Variants in PAMR1 observed in about 807,000 individuals in gnomAD.
PAMR1 encodes inactive serine protease PAMR1.
A neutral mutation model predicts 81.8 loss-of-function variants in PAMR1; 88 were observed. The observed-to-expected ratio is 1.08, with a 90% CI of 0.91 to 1.28. The LOEUF (loss-of-function observed/expected upper bound fraction) is 1.28. Among genes scored for constraint, PAMR1 ranks in the 50% most tolerant of loss-of-function variants. PAMR1 has a pLI of 0.00. For missense variants in PAMR1, 935 were observed against 919.7 expected, an observed-to-expected ratio of 1.02 and a Z score of -0.21; for synonymous variants, 336 against 345.3, an observed-to-expected ratio of 0.97 and a Z score of 0.30.
intron 4 of PAMR1, among the ~76,000 whole-genome samples, chr11:35,473,012 T>C (rs1791001416): frequency 6.6e-6 from 1 of 152,012 alleles, no homozygotes; most frequent in South Asian, 2.1e-4. Context: ...GGAAGCCAGT[T>C]AGGAGGGCAT....
At chr11:35,474,893 C>T (rs1204564768) in intron 3 of PAMR1, 149 bp from the exon 4 acceptor site, 1 of 598,866 alleles carries the variant, frequency 1.7e-6, no homozygotes, top group Non-Finnish European at 2.9e-6. Context: ...GTTTCTCAAG[C>T]AGCTGGCAAT....
rs141228548 is a variant in PAMR1, at chr11:35,452,971, G to A, written c.821-11278C>T. On this transcript the variant is annotated intron_variant, in intron 6 of 10. Coordinates refer to ENST00000619888, the MANE Select transcript of PAMR1 (RefSeq NM_001001991.3). The stretch of plus-strand genomic sequence containing the variant: ...TAATCATTTGGTTCCCCAGTGTCCA[G>A]AGCAAGCGTATAGTAGGTGTTCAAT... Among the ~76,000 whole-genome samples the A allele has an allele frequency of 3.6e-4, 55 of 152,360 alleles. No individual in the cohort carries two copies. In the East Asian group the frequency reaches 6.0e-3, roughly 17 times the overall value.
At chr11:35,471,572 C>A (rs559754676) in intron 4 of PAMR1, among the ~76,000 whole-genome samples, 2 of 152,242 alleles carry the variant, frequency 1.3e-5, no homozygotes, top group South Asian at 4.1e-4. Flanking sequence ...AGGTAATTAT[C>A]TTCTAGGCAA....
intron 1 of PAMR1, among the ~76,000 whole-genome samples, chr11:35,511,506 A>G (rs1325501502): frequency 1.3e-5 from 2 of 152,240 alleles, no homozygotes. Flanking sequence ...GGTGGCAAAG[A>G]AAGACACTTT....
At chr11:35,503,436 T>C (rs627426) in intron 1 of PAMR1, among the ~76,000 whole-genome samples, 47,483 of 151,916 alleles carry the variant, frequency 0.31, 7,496 homozygotes, top group African/African-American at 0.36. Flanking sequence ...CTTTGAGTAG[T>C]ATTGCTTTGA....
chr11:35,444,027 A>G (rs1661794990), intron 6 of PAMR1, among the ~76,000 whole-genome samples: 1 of 152,210 alleles, frequency 6.6e-6, no homozygotes, highest in South Asian at 2.1e-4. Flanking sequence ...AAAAGACCCC[A>G]TATAGCCAAG....
chr11:35,438,109 T>C (rs1856090448), intron 8 of PAMR1, among the ~76,000 whole-genome samples: 1 of 152,192 alleles, frequency 6.6e-6, no homozygotes, highest in African/African-American at 2.4e-5. Flanking sequence ...TGCTACAGCC[T>C]TTACATAAGA....
intron 1 of PAMR1, among the ~76,000 whole-genome samples, chr11:35,521,985 C>T (rs1025851539): frequency 8.6e-5 from 13 of 151,876 alleles, no homozygotes; most frequent in East Asian, 1.9e-4. Flanking sequence ...TGCAGTGGCG[C>T]GATCTTGGCT....
At chr11:35,492,470 C>T (rs946872721) in intron 2 of PAMR1, among the ~76,000 whole-genome samples, 2 of 152,062 alleles carry the variant, frequency 1.3e-5, no homozygotes, top group Non-Finnish European at 2.9e-5. Flanking sequence ...AATATAGAGT[C>T]TTTTGTATAA....
intron 10 of PAMR1, among the ~76,000 whole-genome samples, chr11:35,433,829 T>G (rs369858591): frequency 2.0e-5 from 3 of 150,438 alleles, no homozygotes; most frequent in Non-Finnish European, 4.4e-5. Context: ...GAGGGATGGA[T>G]GGATGGATGG....
chr11:35,490,485 A>G (rs1326073982), intron 3 of PAMR1, among the ~76,000 whole-genome samples: 1 of 152,186 alleles, frequency 6.6e-6, no homozygotes, highest in African/African-American at 2.4e-5. Context: ...ACTATCTCAA[A>G]CTATTATTGA....
At chr11:35,484,489 C>T (rs545447556) in intron 3 of PAMR1, among the ~76,000 whole-genome samples, 1 of 152,378 alleles carries the variant, frequency 6.6e-6, no homozygotes, top group East Asian at 1.9e-4. Flanking sequence ...CAGTAACACA[C>T]AGCTTTGTAA....
At chr11:35,451,740 G>A (rs902183254) in intron 6 of PAMR1, 8 of 502,322 alleles carry the variant, frequency 1.6e-5, no homozygotes, top group Middle Eastern at 2.8e-4. Flanking sequence ...TTAGGATGTG[G>A]GGCATTTGGG....
chr11:35,472,642 C>T (rs1850210233), intron 4 of PAMR1, among the ~76,000 whole-genome samples: 2 of 152,168 alleles, frequency 1.3e-5, no homozygotes, highest in Admixed American at 1.3e-4. Context: ...GCTAGCTGGG[C>T]AGAGGTTTAA....
chr11:35,472,118 G>A (rs903617490), intron 4 of PAMR1, among the ~76,000 whole-genome samples: 2 of 152,192 alleles, frequency 1.3e-5, no homozygotes. Context: ...TGTAGGTCCT[G>A]TGAATCGCAT....
intron 6 of PAMR1, among the ~76,000 whole-genome samples, chr11:35,444,952 T>C (rs1015692829): frequency 2.0e-5 from 3 of 152,232 alleles, no homozygotes; most frequent in Non-Finnish European, 4.4e-5. Context: ...TTTCACAATA[T>C]TGATTTTTCC....
chr11:35,510,740 G>A (rs148461914), intron 1 of PAMR1, among the ~76,000 whole-genome samples: 22 of 152,200 alleles, frequency 1.4e-4, no homozygotes, highest in South Asian at 4.1e-4. Context: ...TATCACGAAC[G>A]TTTTCTCTTG....
intron 4 of PAMR1, among the ~76,000 whole-genome samples, chr11:35,472,539 C>T (rs1414038356): frequency 3.3e-5 from 5 of 152,038 alleles, no homozygotes; most frequent in South Asian, 2.1e-4. Context: ...TGCTGAGTGC[C>T]GTGAATCAAA....
chr11:35,436,023 G>T lies in PAMR1; in HGVS notation c.1213C>A (p.His405Asn). 1 of 1,614,108 alleles carries T rather than the reference G, an allele frequency of 6.2e-7. No homozygotes were observed. Among genetic ancestry groups the T allele is most frequent in the Non-Finnish European group, 8.5e-7 (1 of 1,179,970 alleles). The change falls in exon 9 of 11, where the codon CAT becomes AAT. Residue 405 changes from histidine to asparagine, a missense_variant. Physicochemically the swap from His to Asn is moderately conservative, Grantham distance 68. Coordinates refer to ENST00000619888, the MANE Select transcript of PAMR1 (RefSeq NM_001001991.3). The part of the protein sequence containing the change: ...PFGDLPMGYQ[H>N]LHTQLQYECI... ...TCATACTGGAGCTGGGTATGCAGAT[G>T]TTGGTATCCCATGGGCAGATCTCCA...
Sources: allele counts gnomAD v4.1 joint callset (sites outside exome capture counted in the v4.1 genomes callset), GRCh38; gene constraint gnomAD v4.1.1; transcripts MANE v1.5; gene names NCBI Gene and HGNC (gene_info 2026-07-23, HGNC 2026-07-21).